SNTG1: variants seen among roughly 807,000 people sequenced by gnomAD.
The protein encoded by SNTG1 is gamma-1-syntrophin.
SNTG1 carries 39 observed loss-of-function variants against 74.7 expected under a neutral mutation model. The ratio of observed to expected loss-of-function variants is 0.52; its 90% confidence interval spans 0.40 to 0.68. The LOEUF (loss-of-function observed/expected upper bound fraction) is 0.68, where lower values mean the gene tolerates loss of function less well. SNTG1 is among the 30% of genes least tolerant of loss of function. The pLI, the probability that SNTG1 is intolerant of heterozygous loss-of-function variation, is 0.00. For missense variants in SNTG1, 685 were observed against 609.5 expected, an observed-to-expected ratio of 1.12 and a Z score of -1.30; for synonymous variants, 254 against 217.1, an observed-to-expected ratio of 1.17 and a Z score of -1.49.
chr8:50,281,829 G>A (rs2088475665), intron 2 of SNTG1, among the ~76,000 whole-genome samples: 1 of 152,150 alleles, frequency 6.6e-6, no homozygotes, highest in South Asian at 2.1e-4. Flanking sequence ...AGTAGCAATT[G>A]AACGTATAGG....
At chr8:50,594,927 A>G (rs2094716520) in intron 13 of SNTG1, among the ~76,000 whole-genome samples, 3 of 151,808 alleles carry the variant, frequency 2.0e-5, no homozygotes, top group Admixed American at 6.6e-5. Context: ...TTTCTCTGGC[A>G]ATATGTTGGC....
chr8:50,491,373 A>G (rs1432774164), intron 8 of SNTG1: 1 of 152,370 alleles, frequency 6.6e-6, no homozygotes, highest in East Asian at 1.9e-4. Flanking sequence ...GGGAAAGAAA[A>G]CAGCCAAGAC....
At chr8:50,090,505 A>C (rs1165137022) in intron 1 of SNTG1, among the ~76,000 whole-genome samples, 3 of 152,164 alleles carry the variant, frequency 2.0e-5, no homozygotes, top group African/African-American at 7.2e-5. Flanking sequence ...CATCTGCAGA[A>C]GGTTCTCTAG....
At chr8:50,329,449 A>G (rs930845923) in intron 2 of SNTG1, among the ~76,000 whole-genome samples, 8 of 152,146 alleles carry the variant, frequency 5.3e-5, no homozygotes, top group Admixed American at 1.3e-4. Context: ...GGAGGTTCCC[A>G]AACCTCAATT....
rs551157287 is a variant in SNTG1 at position 50,325,383 on chromosome 8, A to C, written c.-27-68829A>C. Among the ~76,000 whole-genome samples the C allele has an allele frequency of 1.8e-4, 28 of 152,144 alleles. No homozygotes were observed. The South Asian group carries it at 5.8e-3, about 31-fold the overall frequency. ...TACTTTATTAATTTAGTTGTTTTTA[A>C]ATTAATTTCATTCAAGTTTCATAGT... On this transcript the variant is annotated intron_variant, in intron 2 of 18. Transcript: ENST00000642720.
chr8:50,353,692 C>A (rs1198666917), intron 2 of SNTG1, among the ~76,000 whole-genome samples: 2 of 152,108 alleles, frequency 1.3e-5, no homozygotes, highest in African/African-American at 4.8e-5. Flanking sequence ...TATGTTGTTT[C>A]CCCACAATGG....
At chr8:49,991,163 C>T (rs1230030319) in intron 1 of SNTG1, among the ~76,000 whole-genome samples, 1 of 152,012 alleles carries the variant, frequency 6.6e-6, no homozygotes, top group African/African-American at 2.4e-5. Flanking sequence ...AGGAGGTATG[C>T]AAATCAACAA....
intron 9 of SNTG1, among the ~76,000 whole-genome samples, chr8:50,506,171 T>C (rs112505814): frequency 6.6e-6 from 1 of 152,068 alleles, no homozygotes. Flanking sequence ...ATATTGAGGG[T>C]TAATTTTGGG....
At chr8:50,281,441 C>T (rs2088449433) in intron 2 of SNTG1, among the ~76,000 whole-genome samples, 1 of 152,126 alleles carries the variant, frequency 6.6e-6, no homozygotes, top group African/African-American at 2.4e-5. Context: ...TCAAGTCTAT[C>T]CACACATGAG....
intron 1 of SNTG1, among the ~76,000 whole-genome samples, chr8:50,096,457 T>C (rs747007597): frequency 1.3e-5 from 2 of 152,328 alleles, no homozygotes; most frequent in East Asian, 1.9e-4. Context: ...GTGTAAACGA[T>C]GACATCCAAA....
At chr8:50,763,856 AACACACACACACACACACACAC>A (rs59221694) in intron 18 of SNTG1, among the ~76,000 whole-genome samples, 10,521 of 103,490 alleles carry the variant, frequency 0.1, 542 homozygotes, top group Middle Eastern at 0.14. Context: ...TTAATACAGA[AACACACACACACACACACACAC>A]ACACACACAC....
chr8:50,043,574 G>A (rs1225575990), intron 1 of SNTG1, among the ~76,000 whole-genome samples: 1 of 152,144 alleles, frequency 6.6e-6, no homozygotes, highest in Admixed American at 6.5e-5. Flanking sequence ...CACACTCCTG[G>A]CCTCACACTC....
chr8:50,240,630 T>A (rs566660892), intron 2 of SNTG1, among the ~76,000 whole-genome samples: 3 of 152,278 alleles, frequency 2.0e-5, no homozygotes, highest in African/African-American at 7.2e-5. Flanking sequence ...GCACAGAGGA[T>A]CCTGGAGCTC....
chr8:50,394,406 G>A (rs1489537070), intron 3 of SNTG1, 141 bp downstream of exon 3: 4 of 747,746 alleles, frequency 5.3e-6, no homozygotes, highest in Non-Finnish European at 8.6e-6. Context: ...TCCAGATTAC[G>A]TTCTCCTTCT....
In SNTG1 at chr8:50,704,581, AACTCC is replaced by A. The variant is rs2095437099; in HGVS notation, c.1039-17_1039-13del. On this transcript the variant is annotated splice_polypyrimidine_tract_variant and intron_variant, in intron 15 of 18. Transcript: ENST00000642720. ...TGAAGTGATGTGTGCCAGCCTGTGT[AACTCC>A]AGGTTTTCACCAGGACAGTGACCTG... The A allele has an allele frequency of 6.2e-7, 1 of 1,613,888 alleles. No homozygotes were observed. The highest frequency in any genetic ancestry group is 8.5e-7 in the Non-Finnish European group (1 of 1,179,974).
chr8:50,032,515 A>G (rs12546435), intron 1 of SNTG1, among the ~76,000 whole-genome samples: 109,338 of 151,972 alleles, frequency 0.72, 42,607 homozygotes, highest in East Asian at 0.88. Context: ...AGAAAGTGCA[A>G]ATTTCTCTAG....
At chr8:50,210,515 C>G (rs1251697957) in intron 2 of SNTG1, among the ~76,000 whole-genome samples, 1 of 152,166 alleles carries the variant, frequency 6.6e-6, no homozygotes, top group Non-Finnish European at 1.5e-5. Context: ...GGCCAGCAGA[C>G]TAACAGTGGA....
At chr8:50,206,740 A>C (rs1486769991) in intron 2 of SNTG1, among the ~76,000 whole-genome samples, 1 of 152,146 alleles carries the variant, frequency 6.6e-6, no homozygotes, top group Non-Finnish European at 1.5e-5. Context: ...AATATGTCCC[A>C]TCAATACCTA....
intron 13 of SNTG1, among the ~76,000 whole-genome samples, chr8:50,607,422 T>A (rs531449811): frequency 1.4e-4 from 21 of 151,864 alleles, no homozygotes; most frequent in African/African-American, 5.1e-4. Flanking sequence ...TCAAATTTAT[T>A]TTTGAGTAAG....
Sources: allele counts gnomAD v4.1 joint callset (sites outside exome capture counted in the v4.1 genomes callset), GRCh38; gene constraint gnomAD v4.1.1; transcripts MANE v1.5; gene names NCBI Gene and HGNC (gene_info 2026-07-23, HGNC 2026-07-21).